The following CD44 variants were observed in gnomAD, a reference collection of about 807,000 sequenced individuals.
CD44 encodes the protein CD44 antigen.
Under a neutral mutation model 88.8 loss-of-function variants are expected in CD44, and 49 were observed. That is an observed-to-expected ratio of 0.55 (90% CI 0.44 to 0.70). The LOEUF (loss-of-function observed/expected upper bound fraction) is 0.70, where lower values mean the gene tolerates loss of function less well. CD44 is among the 30% of genes least tolerant of loss of function. CD44 has a pLI of 0.00. For synonymous variants in CD44, 325 were observed against 312.3 expected (o/e 1.04, Z -0.43); for missense variants, 883 against 913.8 (o/e 0.97, Z 0.43).
intron 14 of CD44, 58 bp from the exon 15 acceptor site, chr11:35,214,794 G>A: frequency 2.1e-6 from 2 of 952,158 alleles, no homozygotes; most frequent in South Asian, 2.2e-5. Flanking sequence ...GTAAAGAAAT[G>A]CAGATGGGAG....
intron 1 of CD44, among the ~76,000 whole-genome samples, chr11:35,168,395 T>C (rs1342432721): frequency 1.3e-5 from 2 of 152,126 alleles, no homozygotes; most frequent in Non-Finnish European, 2.9e-5. Flanking sequence ...TTGTGTAAAA[T>C]GGGGATAATA....
chr11:35,208,026 A>C (rs1449087429), intron 11 of CD44, 79 bp from the exon 12 acceptor site: 1 of 818,374 alleles, frequency 1.2e-6, no homozygotes, highest in Non-Finnish European at 2.1e-6. Flanking sequence ...ATATTTAAAA[A>C]AATCAGCTGT....
In CD44 at chr11:35,210,026, T is replaced by C; in HGVS notation, c.1578T>C (p.His526=). ...SHEGLEEDKD[H]PTTSTLTSSN... ...AAGGCTTGGAAGAAGATAAAGACCATCCAACAACTTCTACTCTGACATCAA... is the reference window on the plus strand; with the variant it reads ...AAGGCTTGGAAGAAGATAAAGACCACCCAACAACTTCTACTCTGACATCAA... Residue 526 remains histidine, a synonymous_variant, in exon 13 of 18, where the codon CAT becomes CAC. Transcript: ENST00000428726. 6.4e-7 allele frequency: 1 copy of C among 1,562,288 alleles called. No individual in the cohort carries two copies. Among genetic ancestry groups the C allele is most frequent in the African/African-American group, 1.4e-5 (1 of 71,360 alleles).
intron 15 of CD44, among the ~76,000 whole-genome samples, chr11:35,218,512 A>G (rs1041551304): frequency 2.6e-5 from 4 of 152,090 alleles, no homozygotes; most frequent in Non-Finnish European, 5.9e-5. Context: ...TATTTTTAGT[A>G]GAGACGGGGT....
chr11:35,204,478 C>A, intron 9 of CD44, 34 bp from the exon 10 acceptor site: 2 of 1,608,748 alleles, frequency 1.2e-6, no homozygotes, highest in Non-Finnish European at 8.5e-7. Context: ...GGAAAATAGA[C>A]AATTATGTCT....
chr11:35,171,252 T>C (rs1317321183), intron 1 of CD44, among the ~76,000 whole-genome samples: 1 of 152,192 alleles, frequency 6.6e-6, no homozygotes. Flanking sequence ...TCCTTTTAAG[T>C]CAAGAGGGAC....
intron 7 of CD44, 136 bp from the exon 8 acceptor site, chr11:35,200,946 T>C (rs1947253819): frequency 2.8e-6 from 2 of 705,572 alleles, no homozygotes; most frequent in East Asian, 2.5e-5. Flanking sequence ...TTTCCCTCCA[T>C]TTCCATGCAG....
chr11:35,141,720 G>A (rs1237950029), intron 1 of CD44, among the ~76,000 whole-genome samples: 3 of 152,174 alleles, frequency 2.0e-5, no homozygotes, highest in Non-Finnish European at 2.9e-5. Flanking sequence ...TCATTTAGAG[G>A]AAGTACAATG....
chr11:35,192,387 G>A (rs987570476), intron 5 of CD44, among the ~76,000 whole-genome samples: 1 of 152,186 alleles, frequency 6.6e-6, no homozygotes, highest in African/African-American at 2.4e-5. Flanking sequence ...GAGTAGAATC[G>A]TATTTCTAAA....
intron 1 of CD44, among the ~76,000 whole-genome samples, chr11:35,165,897 C>T (rs911450922): frequency 6.6e-6 from 1 of 152,170 alleles, no homozygotes; most frequent in African/African-American, 2.4e-5. Flanking sequence ...CTATGAGTAA[C>T]AGTTTCTCAT....
At chr11:35,215,415 A>T (rs1348100256) in intron 15 of CD44, among the ~76,000 whole-genome samples, 2 of 152,230 alleles carry the variant, frequency 1.3e-5, no homozygotes, top group Non-Finnish European at 1.5e-5. Context: ...TTGTCACAGG[A>T]CATTGTTTCA....
intron 15 of CD44, among the ~76,000 whole-genome samples, chr11:35,217,343 A>G (rs904691942): frequency 6.9e-6 from 1 of 145,260 alleles, no homozygotes; most frequent in African/African-American, 2.5e-5. Flanking sequence ...AAAGGCTTCT[A>G]TGAGTCAGAA....
Position 35,139,265 on chromosome 11 carries a change from A to T in CD44, c.-39A>T. ...CCTGCCCCGCGCCCAGGGATCCTCCAGCTCCTTTCGCCCGCGCCCTCCGTT... is the reference window on the plus strand; with the variant it reads ...CCTGCCCCGCGCCCAGGGATCCTCCTGCTCCTTTCGCCCGCGCCCTCCGTT... On this transcript the variant is annotated 5_prime_UTR_variant, in exon 1 of 18. Transcript: ENST00000428726. 1 of 1,530,196 alleles carries T rather than the reference A, an allele frequency of 6.5e-7. No homozygotes were observed. The highest frequency in any genetic ancestry group is 1.2e-5 in the South Asian group (1 of 83,662). 94.8% of individuals were successfully genotyped at this position (1,530,196 alleles called of 1,614,324 possible). A position where few individuals can be genotyped will look rare whatever the true frequency, so the allele number is the denominator to read the frequency against.
chr11:35,155,739 G>C (rs1395166076), intron 1 of CD44, among the ~76,000 whole-genome samples: 2 of 152,234 alleles, frequency 1.3e-5, no homozygotes, highest in South Asian at 2.1e-4. Flanking sequence ...CGCTGCTCTA[G>C]AGTCATCCAT....
intron 6 of CD44, chr11:35,197,140 G>A (rs1353856569): frequency 1.1e-5 from 3 of 272,016 alleles, no homozygotes; most frequent in South Asian, 1.0e-4. Flanking sequence ...TTTTTTTAAC[G>A]ATATGGCAAA....
At chr11:35,171,069 C>A (rs528196760) in intron 1 of CD44, among the ~76,000 whole-genome samples, 2 of 152,150 alleles carry the variant, frequency 1.3e-5, no homozygotes, top group African/African-American at 4.8e-5. Flanking sequence ...TAAAATAGAG[C>A]CTGGCATATA....
intron 3 of CD44, among the ~76,000 whole-genome samples, chr11:35,181,860 T>TATATATATA (rs1945064747): frequency 3.1e-5 from 2 of 64,776 alleles, no homozygotes; most frequent in Non-Finnish European, 5.4e-5. Flanking sequence ...TATATATAAA[T>TATATATATA]TTATATATAT....
chr11:35,163,660 T>C (rs748655725), intron 1 of CD44, among the ~76,000 whole-genome samples: 9 of 152,148 alleles, frequency 5.9e-5, no homozygotes, highest in Non-Finnish European at 1.2e-4. Context: ...CTCTATGAAA[T>C]TCTCCCTGTC....
intron 3 of CD44, among the ~76,000 whole-genome samples, chr11:35,181,926 T>TATAA (rs10675782): frequency 2.2e-5 from 1 of 44,546 alleles, no homozygotes; most frequent in African/African-American, 9.4e-5. Flanking sequence ...ATATATTATA[T>TATAA]TATATATAAA....
Sources: gnomAD v4.1 joint callset for allele counts (sites outside exome capture counted in the v4.1 genomes callset) on GRCh38, gnomAD v4.1.1 for gene constraint, MANE v1.5 for transcripts, NCBI Gene and HGNC (gene_info 2026-07-23, HGNC 2026-07-21) for gene names.